The following KLF12 variants were observed in gnomAD, a reference collection of about 807,000 sequenced individuals.
The protein encoded by KLF12 is Krueppel-like factor 12.
A neutral mutation model predicts 37.8 loss-of-function variants in KLF12; 9 were observed. The ratio of observed to expected loss-of-function variants is 0.24; its 90% confidence interval spans 0.14 to 0.42. KLF12 has a LOEUF of 0.42. Among genes scored for constraint, KLF12 ranks in the 10% least tolerant of loss-of-function variants. KLF12 has a pLI of 1.00. For synonymous variants in KLF12, 208 were observed against 202.1 expected (o/e 1.03, Z -0.25); for missense variants, 411 against 516.0 (o/e 0.80, Z 1.97).
the KLF12 span, among the ~76,000 whole-genome samples, chr13:74,292,875 A>G: frequency 6.6e-6 from 1 of 152,212 alleles, no homozygotes; most frequent in African/African-American, 2.4e-5. Context: ...TGAGCATGTC[A>G]GGTCCACATG....
At chr13:74,132,679 A>T (rs1304521294) in intron 1 of KLF12, among the ~76,000 whole-genome samples, 2 of 152,190 alleles carry the variant, frequency 1.3e-5, no homozygotes, top group African/African-American at 4.8e-5. Context: ...GACTATTACT[A>T]TTAAAGTATG....
At chr13:74,049,807 T>G (rs1258499123) in intron 1 of KLF12, among the ~76,000 whole-genome samples, 2 of 152,174 alleles carry the variant, frequency 1.3e-5, no homozygotes, top group Non-Finnish European at 2.9e-5. Context: ...CAAATTCTCA[T>G]TCTCCGAACT....
the KLF12 span, among the ~76,000 whole-genome samples, chr13:74,208,835 ACTT>A: frequency 6.6e-6 from 1 of 152,030 alleles, no homozygotes; most frequent in South Asian, 2.1e-4. Flanking sequence ...AAAAAGAAAC[ACTT>A]CTTTAAGAAA....
intron 5 of KLF12, among the ~76,000 whole-genome samples, chr13:73,770,570 T>C (rs1005890722): frequency 1.3e-5 from 2 of 151,832 alleles, no homozygotes; most frequent in Admixed American, 6.6e-5. Flanking sequence ...TCACCCAGGC[T>C]GGAGTGCAGT....
In KLF12 at chr13:73,689,651, C is replaced by G. The variant is rs1274205019; in HGVS notation, c.*5839G>C. 1.3e-5 allele frequency: 2 copies of G among 152,092 alleles called. No individual in the cohort carries two copies. Among genetic ancestry groups the G allele is most frequent in the Non-Finnish European group, 2.9e-5 (2 of 68,008 alleles). 9.4% of individuals were successfully genotyped at this position (152,092 alleles called of 1,614,324 possible). A position where few individuals can be genotyped will look rare whatever the true frequency, so the allele number is the denominator to read the frequency against. On this transcript the variant is annotated 3_prime_UTR_variant, in exon 8 of 8. Transcript: ENST00000377669. ...CTAGGCTTACTAAGTGTCAGTGGTA[C>G]TTCAACAGACTTTTTGGGGAGAAAT... is the stretch of plus-strand genomic sequence containing the variant.
intron 7 of KLF12, among the ~76,000 whole-genome samples, chr13:73,697,733 A>G (rs1450923910): frequency 6.6e-6 from 1 of 152,046 alleles, no homozygotes; most frequent in Non-Finnish European, 1.5e-5. Flanking sequence ...CTGTGTTGCT[A>G]TGGAACCAGC....
the KLF12 span, among the ~76,000 whole-genome samples, chr13:74,155,199 T>A: frequency 6.6e-6 from 1 of 152,194 alleles, no homozygotes; most frequent in African/African-American, 2.4e-5. Flanking sequence ...TTTGCATGAA[T>A]GTTCCTTAGA....
At chr13:74,208,230 G>A in the KLF12 span, among the ~76,000 whole-genome samples, 1 of 152,104 alleles carries the variant, frequency 6.6e-6, no homozygotes, top group South Asian at 2.1e-4. Context: ...CATTGAAGAG[G>A]TGATCTCTTC....
the KLF12 span, among the ~76,000 whole-genome samples, chr13:74,263,717 C>T: frequency 8.6e-3 from 1,310 of 152,136 alleles, 12 homozygotes; most frequent in Non-Finnish European, 0.012. Flanking sequence ...TCCAGCCTGG[C>T]GACAGAGCGA....
chr13:73,869,119 T>C (rs1241794048), intron 3 of KLF12, among the ~76,000 whole-genome samples: 2 of 152,138 alleles, frequency 1.3e-5, no homozygotes, highest in African/African-American at 4.8e-5. Context: ...CTCCATGTGT[T>C]ATACAATTTT....
the KLF12 span, among the ~76,000 whole-genome samples, chr13:74,274,075 A>G: frequency 6.6e-6 from 1 of 152,166 alleles, no homozygotes; most frequent in East Asian, 1.9e-4. Flanking sequence ...ATAAAAATCT[A>G]TTCTGCAGGA....
the KLF12 span, among the ~76,000 whole-genome samples, chr13:74,224,553 T>A: frequency 6.6e-6 from 1 of 152,188 alleles, no homozygotes; most frequent in African/African-American, 2.4e-5. Context: ...TCCCTAGCAT[T>A]TGAGCTCTTC....
the KLF12 span, among the ~76,000 whole-genome samples, chr13:74,177,932 G>T: frequency 4.6e-5 from 7 of 152,174 alleles, no homozygotes; most frequent in Non-Finnish European, 7.3e-5. Flanking sequence ...AGTAATAAAT[G>T]CAATACACTT....
intron 1 of KLF12, among the ~76,000 whole-genome samples, chr13:74,109,148 TA>T (rs1876835955): frequency 1.3e-5 from 2 of 152,122 alleles, no homozygotes. Context: ...ATAAAACAGA[TA>T]AATCATCAAC....
intron 1 of KLF12, among the ~76,000 whole-genome samples, chr13:74,009,936 ATTTTAC>A (rs948065597): frequency 5.3e-5 from 8 of 152,210 alleles, no homozygotes; most frequent in African/African-American, 1.9e-4. Flanking sequence ...TTGCCAGTGT[ATTTTAC>A]TTTTATTTGC....
the KLF12 span, among the ~76,000 whole-genome samples, chr13:74,203,336 CAAG>C: frequency 6.6e-6 from 1 of 151,954 alleles, no homozygotes; most frequent in South Asian, 2.1e-4. Flanking sequence ...AGGCTAGATG[CAAG>C]AAGATGATGG....
intron 5 of KLF12, among the ~76,000 whole-genome samples, chr13:73,804,676 A>G (rs1193352695): frequency 2.6e-5 from 4 of 152,198 alleles, no homozygotes; most frequent in Non-Finnish European, 5.9e-5. Flanking sequence ...TTCAAAAAAG[A>G]GCAATCTAAC....
intron 6 of KLF12, among the ~76,000 whole-genome samples, chr13:73,761,907 C>T (rs925813727): frequency 7.9e-5 from 12 of 152,140 alleles, no homozygotes; most frequent in Admixed American, 1.3e-4. Flanking sequence ...GAAATTCACA[C>T]GACCAAACCC....
chr13:74,145,791 A>AT, the KLF12 span, among the ~76,000 whole-genome samples: 1 of 152,154 alleles, frequency 6.6e-6, no homozygotes, highest in Non-Finnish European at 1.5e-5. Flanking sequence ...TAGGCTTCAG[A>AT]TTTTTAGCTC....
Sources: gnomAD v4.1 joint callset for allele counts (sites outside exome capture counted in the v4.1 genomes callset) on GRCh38, gnomAD v4.1.1 for gene constraint, MANE v1.5 for transcripts, NCBI Gene and HGNC (gene_info 2026-07-23, HGNC 2026-07-21) for gene names.